Variants in ZNF385B observed in about 807,000 individuals in gnomAD.
The protein encoded by ZNF385B is zinc finger protein 385B, also known as zinc finger protein 533.
Under a neutral mutation model 39.2 loss-of-function variants are expected in ZNF385B, and 23 were observed. The observed-to-expected ratio is 0.59, with a 90% CI of 0.42 to 0.83. The LOEUF is 0.83. ZNF385B is among the 40% of genes least tolerant of loss of function. The pLI, the probability that ZNF385B is intolerant of heterozygous loss-of-function variation, is 0.00. For synonymous variants in ZNF385B, 205 were observed against 222.6 expected (o/e 0.92, Z 0.70); for missense variants, 552 against 598.9 (o/e 0.92, Z 0.82).
intron 3 of ZNF385B, among the ~76,000 whole-genome samples, chr2:179,554,414 G>A (rs887041713): frequency 2.7e-5 from 4 of 148,980 alleles, no homozygotes; most frequent in East Asian, 3.9e-4. Context: ...ATGGTGGAGC[G>A]GAACTGTATA....
chr2:179,814,419 G>A, intron 1 of ZNF385B: 5 of 435,070 alleles, frequency 1.1e-5, no homozygotes, highest in South Asian at 9.5e-5. Context: ...AGATTTTGCA[G>A]TTATTTTTCT....
At chr2:179,725,552 GTGT>G (rs1700951437) in intron 3 of ZNF385B, among the ~76,000 whole-genome samples, 1 of 151,314 alleles carries the variant, frequency 6.6e-6, no homozygotes, top group African/African-American at 2.4e-5. Context: ...TATAAATTAA[GTGT>G]TGTCTTTTTC....
intron 3 of ZNF385B, among the ~76,000 whole-genome samples, chr2:179,667,560 C>T (rs1299745788): frequency 2.6e-5 from 4 of 152,150 alleles, no homozygotes; most frequent in Admixed American, 6.5e-5. Context: ...TCACTGATTT[C>T]GGGGCAGCTA....
intron 3 of ZNF385B, among the ~76,000 whole-genome samples, chr2:179,640,394 T>A (rs946068629): frequency 6.6e-6 from 1 of 151,910 alleles, no homozygotes; most frequent in African/African-American, 2.4e-5. Context: ...CTCAAATGAT[T>A]CAGCATGAGT....
At chr2:179,746,545 T>G (rs560543244) in intron 3 of ZNF385B, among the ~76,000 whole-genome samples, 1 of 152,174 alleles carries the variant, frequency 6.6e-6, no homozygotes, top group African/African-American at 2.4e-5. Flanking sequence ...ACCATCAATT[T>G]TATTCTAAGA....
intron 3 of ZNF385B, among the ~76,000 whole-genome samples, chr2:179,612,326 G>C (rs1316434041): frequency 2.0e-5 from 3 of 152,164 alleles, no homozygotes; most frequent in African/African-American, 7.2e-5. Flanking sequence ...ATTTATTGCA[G>C]TCTTCACAGT....
intron 3 of ZNF385B, among the ~76,000 whole-genome samples, chr2:179,570,125 G>A (rs1685042501): frequency 1.3e-5 from 2 of 152,076 alleles, no homozygotes; most frequent in Admixed American, 1.3e-4. Context: ...GGCATGTAGG[G>A]GATCAGAACT....
chr2:179,792,767 T>C (rs1298262989), intron 1 of ZNF385B, among the ~76,000 whole-genome samples: 3 of 152,174 alleles, frequency 2.0e-5, no homozygotes, highest in Non-Finnish European at 4.4e-5. Context: ...AAAATTCTTA[T>C]GCTTCCTGTA....
intron 4 of ZNF385B, among the ~76,000 whole-genome samples, chr2:179,530,788 A>G (rs1248946564): frequency 6.6e-6 from 1 of 152,192 alleles, no homozygotes; most frequent in East Asian, 1.9e-4. Context: ...TTACCCTTTC[A>G]CTAAGAAGAA....
At chr2:179,720,931 T>C in intron 3 of ZNF385B, among the ~76,000 whole-genome samples, 1 of 143,630 alleles carries the variant, frequency 7.0e-6, no homozygotes, top group Non-Finnish European at 1.5e-5. Flanking sequence ...GGCTGTTTTT[T>C]TTTTTTTTTT....
At chr2:179,752,764 C>T (rs1449961881) in intron 3 of ZNF385B, among the ~76,000 whole-genome samples, 1 of 152,050 alleles carries the variant, frequency 6.6e-6, no homozygotes, top group Non-Finnish European at 1.5e-5. Flanking sequence ...ACTTCACCCA[C>T]TTTGTGATGG....
intron 3 of ZNF385B, among the ~76,000 whole-genome samples, chr2:179,570,943 T>C (rs1407815859): frequency 6.6e-6 from 1 of 152,204 alleles, no homozygotes; most frequent in African/African-American, 2.4e-5. Context: ...TTATTTTTAA[T>C]GTACTAGAAG....
In ZNF385B at chr2:179,569,530, A is replaced by G. The variant is rs1684974366; in HGVS notation, c.299-24561T>C. On this transcript the variant is annotated intron_variant, in intron 3 of 9. Transcript: ENST00000410066. ...TGTGAAAACAGCATAATTTTCTAGG[A>G]CATGTTGTGAAGGCTGAGGTGATAA... Among the ~76,000 whole-genome samples, 2 of 152,194 alleles carry G rather than the reference A, an allele frequency of 1.3e-5. 1 individual carries two copies. The highest frequency in any genetic ancestry group is 2.9e-5 in the Non-Finnish European group (2 of 68,042).
chr2:179,855,588 C>T (rs1313548945), intron 1 of ZNF385B, among the ~76,000 whole-genome samples: 1 of 152,130 alleles, frequency 6.6e-6, no homozygotes, highest in Non-Finnish European at 1.5e-5. Flanking sequence ...AGTATATATA[C>T]TTTCTTCAGT....
At chr2:179,709,345 G>A (rs1316949869) in intron 3 of ZNF385B, among the ~76,000 whole-genome samples, 2 of 152,186 alleles carry the variant, frequency 1.3e-5, no homozygotes, top group African/African-American at 2.4e-5. Flanking sequence ...TTATGGGTAA[G>A]GTATAGGCCT....
At chr2:179,660,269 T>C (rs3112932) in intron 3 of ZNF385B, 94,805 of 151,964 alleles carry the variant, frequency 0.62, 30,003 homozygotes, top group African/African-American at 0.72. Flanking sequence ...CACTGTGTAC[T>C]TCGTTTGAAA....
intron 4 of ZNF385B, among the ~76,000 whole-genome samples, chr2:179,544,039 A>C (rs2060080787): frequency 6.6e-6 from 1 of 152,180 alleles, no homozygotes; most frequent in Non-Finnish European, 1.5e-5. Flanking sequence ...TTTAACAATC[A>C]AGCAGACAAT....
At chr2:179,518,230 G>A (rs1184290684) in intron 5 of ZNF385B, among the ~76,000 whole-genome samples, 1 of 151,842 alleles carries the variant, frequency 6.6e-6, no homozygotes, top group East Asian at 1.9e-4. Context: ...ATCCTCTATT[G>A]GTTTTAAAAT....
At chr2:179,669,021 C>T (rs1695555415) in intron 3 of ZNF385B, among the ~76,000 whole-genome samples, 1 of 152,084 alleles carries the variant, frequency 6.6e-6, no homozygotes, top group Middle Eastern at 3.2e-3. Context: ...CTGTATGTTA[C>T]AAAGCATAGA....
Sources: allele counts gnomAD v4.1 joint callset (sites outside exome capture counted in the v4.1 genomes callset), GRCh38; gene constraint gnomAD v4.1.1; transcripts MANE v1.5; gene names NCBI Gene and HGNC (gene_info 2026-07-23, HGNC 2026-07-21).